Variants in SLC24A2 observed in about 807,000 individuals in gnomAD.
SLC24A2 encodes the protein sodium/potassium/calcium exchanger 2.
SLC24A2 carries 36 observed loss-of-function variants against 62.0 expected under a neutral mutation model. The observed-to-expected ratio is 0.58, with a 90% CI of 0.44 to 0.77. The LOEUF is 0.77. Ranked by LOEUF, SLC24A2 falls within the 30% of genes least tolerant of loss-of-function variation. The pLI, the probability that SLC24A2 is intolerant of heterozygous loss-of-function variation, is 0.00. For missense variants in SLC24A2, 846 were observed against 817.9 expected, an observed-to-expected ratio of 1.03 and a Z score of -0.42; for synonymous variants, 358 against 294.0, an observed-to-expected ratio of 1.22 and a Z score of -2.23.
At chr9:20,087,333 C>T in the SLC24A2 span, among the ~76,000 whole-genome samples, 1 of 152,142 alleles carries the variant, frequency 6.6e-6, no homozygotes, top group Non-Finnish European at 1.5e-5. Context: ...GGAATGTTTA[C>T]ATAAGAATAG....
In SLC24A2 at chr9:19,727,561, A is replaced by T. The variant is rs376280485; in HGVS notation, c.930+58376T>A. Among the ~76,000 whole-genome samples the T allele has an allele frequency of 3.3e-5, 5 of 152,320 alleles. No individual in the cohort carries two copies. The South Asian group carries it at 1.0e-3, about 32-fold the overall frequency. ...TTTTGTTCCCTGCAGGAGCTCAGAC[A>T]CTTAGAACAATGACTAGCATGTGGC... On this transcript the variant is annotated intron_variant, in intron 2 of 10. Transcript: ENST00000341998.
At chr9:19,755,919 G>A (rs925167661) in intron 2 of SLC24A2, among the ~76,000 whole-genome samples, 1 of 78,804 alleles carries the variant, frequency 1.3e-5, no homozygotes, top group African/African-American at 4.0e-5. Flanking sequence ...ATTACAATGG[G>A]CTGTAATTGG....
At chr9:20,244,377 G>C in the SLC24A2 span, among the ~76,000 whole-genome samples, 4 of 152,124 alleles carry the variant, frequency 2.6e-5, no homozygotes, top group African/African-American at 7.2e-5. Flanking sequence ...CAGAAAGACA[G>C]CCTTTAAGCC....
intron 2 of SLC24A2, among the ~76,000 whole-genome samples, chr9:19,649,456 C>A (rs899829238): frequency 6.6e-6 from 1 of 151,990 alleles, no homozygotes; most frequent in Non-Finnish European, 1.5e-5. Context: ...GCACTAGAAC[C>A]ATATGTTCAT....
chr9:19,660,762 G>T (rs1287029380), intron 2 of SLC24A2, among the ~76,000 whole-genome samples: 4 of 152,252 alleles, frequency 2.6e-5, no homozygotes, highest in Middle Eastern at 6.8e-3. Flanking sequence ...AGAACTTTTA[G>T]CACAACCAAC....
intron 2 of SLC24A2, 93 bp downstream of exon 2, chr9:19,785,844 A>G (rs1179397429): frequency 1.3e-6 from 2 of 1,527,412 alleles, no homozygotes; most frequent in Non-Finnish European, 1.8e-6. Flanking sequence ...AGCCCCAAAC[A>G]CCATCACATC....
intron 2 of SLC24A2, among the ~76,000 whole-genome samples, chr9:19,642,112 G>T (rs575052393): frequency 2.0e-4 from 30 of 152,096 alleles, no homozygotes; most frequent in Non-Finnish European, 4.0e-4. Context: ...GGAGAGACTG[G>T]CTTGGCTTTG....
the SLC24A2 span, among the ~76,000 whole-genome samples, chr9:20,041,556 T>C: frequency 2.0e-5 from 3 of 152,146 alleles, no homozygotes; most frequent in Admixed American, 6.5e-5. Context: ...AAACCAGCCT[T>C]GTATCATCAA....
At chr9:20,281,811 T>C in the SLC24A2 span, among the ~76,000 whole-genome samples, 1 of 152,228 alleles carries the variant, frequency 6.6e-6, no homozygotes, top group Non-Finnish European at 1.5e-5. Context: ...CAAACATACA[T>C]ATAGAATAAT....
At chr9:19,737,996 C>T (rs1821559996) in intron 2 of SLC24A2, among the ~76,000 whole-genome samples, 1 of 152,088 alleles carries the variant, frequency 6.6e-6, no homozygotes, top group South Asian at 2.1e-4. Context: ...AGATGGCATA[C>T]ACAATTACTC....
chr9:20,034,818 A>C, the SLC24A2 span, among the ~76,000 whole-genome samples: 1 of 152,136 alleles, frequency 6.6e-6, no homozygotes, highest in African/African-American at 2.4e-5. Flanking sequence ...TGGAACTAGC[A>C]CTGATTCCAC....
At chr9:19,949,279 C>T in the SLC24A2 span, among the ~76,000 whole-genome samples, 5 of 151,924 alleles carry the variant, frequency 3.3e-5, no homozygotes, top group African/African-American at 1.2e-4. Flanking sequence ...CAGGCATGAG[C>T]CACTGCGCCT....
chr9:20,221,475 A>C, the SLC24A2 span, among the ~76,000 whole-genome samples: 4 of 152,092 alleles, frequency 2.6e-5, no homozygotes, highest in Non-Finnish European at 5.9e-5. Context: ...TGATGAGGAC[A>C]GAGGAGTTGT....
chr9:19,514,513 T>A lies in SLC24A2; in HGVS notation c.*1640A>T, dbSNP rs1832852729. On this transcript the variant is annotated 3_prime_UTR_variant, in exon 11 of 11. Coordinates refer to ENST00000341998, the MANE Select transcript of SLC24A2 (RefSeq NM_020344.4). Reference sequence around the variant, plus strand: ...TTCCATTGATTCAGTTTGCCTATTTTTTCCCCCTTGCTGGCTTTATTTTCG... The same window carrying A: ...TTCCATTGATTCAGTTTGCCTATTTATTCCCCCTTGCTGGCTTTATTTTCG... 1 of 152,176 alleles carries A rather than the reference T, an allele frequency of 6.6e-6. No homozygotes were observed. 9.4% of individuals were successfully genotyped at this position (152,176 alleles called of 1,614,324 possible).
At chr9:19,911,859 A>G in the SLC24A2 span, among the ~76,000 whole-genome samples, 1 of 152,198 alleles carries the variant, frequency 6.6e-6, no homozygotes, top group Admixed American at 6.5e-5. Context: ...TTCCATTTAC[A>G]CTAAAATCAG....
At chr9:19,667,658 G>A (rs143294023) in intron 2 of SLC24A2, among the ~76,000 whole-genome samples, 12 of 152,180 alleles carry the variant, frequency 7.9e-5, no homozygotes, top group African/African-American at 2.9e-4. Context: ...CTGGCCCCAA[G>A]ACCTATAGAC....
intron 2 of SLC24A2, among the ~76,000 whole-genome samples, chr9:19,666,706 C>CT (rs377375198): frequency 6.6e-6 from 1 of 151,886 alleles, no homozygotes; most frequent in Non-Finnish European, 1.5e-5. Context: ...TGACTAGCAG[C>CT]TTTTTTTTCC....
the SLC24A2 span, among the ~76,000 whole-genome samples, chr9:20,138,251 A>G: frequency 2.4e-4 from 37 of 152,348 alleles, no homozygotes; most frequent in African/African-American, 8.7e-4. Context: ...TTTCCAAATA[A>G]TGCAGGCTCA....
the SLC24A2 span, among the ~76,000 whole-genome samples, chr9:20,203,124 A>C: frequency 2.7e-5 from 1 of 37,048 alleles, no homozygotes; most frequent in Non-Finnish European, 4.0e-5. Flanking sequence ...ACTAAAAGGA[A>C]AAAAAAAAAA....
Sources: allele counts gnomAD v4.1 joint callset (sites outside exome capture counted in the v4.1 genomes callset), GRCh38; gene constraint gnomAD v4.1.1; transcripts MANE v1.5; gene names NCBI Gene and HGNC (gene_info 2026-07-23, HGNC 2026-07-21).